PINLYP: variants seen among roughly 807,000 people sequenced by gnomAD.
PINLYP encodes phospholipase A2 inhibitor and Ly6/PLAUR domain-containing protein.
In PINLYP, 12 loss-of-function variants were observed where a neutral mutation model predicts 15.8. The ratio of observed to expected loss-of-function variants is 0.76; its 90% confidence interval spans 0.49 to 1.23. The LOEUF is 1.23. Among genes scored for constraint, PINLYP ranks in the 50% most tolerant of loss-of-function variants. The pLI is 0.00. For missense variants in PINLYP, 278 were observed against 264.2 expected (o/e 1.05, Z -0.36); for synonymous variants, 93 against 97.7 (o/e 0.95, Z 0.28).
At chr19:43,576,636 C>T (rs746841496) in exon 1 of PINLYP, among the ~76,000 whole-genome samples, 1 of 152,162 alleles carries the variant, frequency 6.6e-6, no homozygotes, top group Admixed American at 6.5e-5. Context: ...AGGGTGCAGC[C>T]CTGGGTGGGG....
At chr19:43,581,308 T>A in exon 4 of PINLYP, 2 of 1,537,016 alleles carry the variant, frequency 1.3e-6, no homozygotes, top group East Asian at 2.4e-5. Flanking sequence ...AAGGACCACA[T>A]GGTAACCAGC....
chr19:43,579,328 C>T (rs1434459950), intron 3 of PINLYP, among the ~76,000 whole-genome samples: 1 of 151,990 alleles, frequency 6.6e-6, no homozygotes, highest in Non-Finnish European at 1.5e-5. Flanking sequence ...TCACTGCAAC[C>T]TCCACTTCCC....
At chr19:43,580,520 G>C (rs11671498) in intron 3 of PINLYP, 34,534 of 985,440 alleles carry the variant, frequency 0.035, 827 homozygotes, top group East Asian at 0.11. Flanking sequence ...GGTTGGCGGG[G>C]AGTTGAGGAG....
At chr19:43,579,714 C>G (rs1226643831) in intron 3 of PINLYP, among the ~76,000 whole-genome samples, 3 of 116,866 alleles carry the variant, frequency 2.6e-5, no homozygotes, top group African/African-American at 9.8e-5. Context: ...GCCTGGACAA[C>G]AAAAAGAGAT....
rs1266833512 is a variant in PINLYP at position 43,581,373 on chromosome 19, C to T, written c.340+9C>T. 2 of 1,536,478 alleles carry T rather than the reference C, an allele frequency of 1.3e-6. No individual in the cohort carries two copies. Among genetic ancestry groups the T allele is most frequent in the South Asian group, 1.2e-5 (1 of 84,044 alleles). ...CAGTGCCTTTTTGTCTGGTAAGAAGCCCGTGGTGTGTGGTGTGTGCTCTGG... is the reference window on the plus strand; with the variant it reads ...CAGTGCCTTTTTGTCTGGTAAGAAGTCCGTGGTGTGTGGTGTGTGCTCTGG... On this transcript the variant is annotated intron_variant, in intron 4 of 5. Transcript: ENST00000599207.
chr19:43,579,015 C>A, intron 3 of PINLYP: 38 of 257,290 alleles, frequency 1.5e-4, no homozygotes, highest in Non-Finnish European at 1.9e-4. Context: ...CTGTGGGGGG[C>A]AGAGAAATAG....
At chr19:43,578,525 T>A (rs1972891694) in intron 2 of PINLYP, 65 bp from the exon 3 acceptor site, 5 of 1,239,602 alleles carry the variant, frequency 4.0e-6, no homozygotes, top group Non-Finnish European at 5.6e-6. Context: ...AAGTCCTAAG[T>A]CAAAGTCGTG....
chr19:43,578,027 A>G lies in PINLYP; in HGVS notation c.71-563A>G, dbSNP rs918318434. The stretch of plus-strand genomic sequence containing the variant: ...CTCCTCCCCTGCACACAGGAGTCCA[A>G]GTAAGCCTCACTTTCCCCAGGACCC... On this transcript the variant is annotated intron_variant, in intron 2 of 5. Transcript: ENST00000599207. 2.0e-5 allele frequency among the ~76,000 whole-genome samples: 3 copies of G among 152,240 alleles called. No individual in the cohort carries two copies. In the East Asian group the frequency reaches 5.8e-4, roughly 29 times the overall value.
upstream of PINLYP, chr19:43,575,550 G>A (rs758384101): frequency 1.4e-6 from 2 of 1,415,040 alleles, no homozygotes; most frequent in Admixed American, 2.1e-5. Context: ...GGTGCGCCCT[G>A]CGCTGGCTAA....
intron 3 of PINLYP, 52 bp downstream of exon 3, chr19:43,578,758 G>T: frequency 2.2e-6 from 3 of 1,374,046 alleles, no homozygotes; most frequent in Middle Eastern, 3.5e-4. Flanking sequence ...TACCTTCAGG[G>T]TGGAAGAGAC....
intron 3 of PINLYP, 41 bp from the exon 4 acceptor site, chr19:43,581,171 G>A: frequency 3.3e-6 from 5 of 1,525,818 alleles, no homozygotes; most frequent in Non-Finnish European, 4.4e-6. Flanking sequence ...AAGCCAGGGA[G>A]TGGTCAGCCA....
exon 2 of PINLYP, chr19:43,577,249 C>G (rs1972877025): frequency 6.5e-7 from 1 of 1,535,950 alleles, no homozygotes; most frequent in African/African-American, 1.4e-5. Flanking sequence ...GCTCTGCACC[C>G]TCCTGGGTCT....
At chr19:43,576,639 G>C (rs1048030369) in exon 1 of PINLYP, among the ~76,000 whole-genome samples, 1 of 152,194 alleles carries the variant, frequency 6.6e-6, no homozygotes, top group African/African-American at 2.4e-5. Context: ...GTGCAGCCCT[G>C]GGTGGGGTCG....
chr19:43,576,864 C>T, exon 1 of PINLYP: 1 of 320,172 alleles, frequency 3.1e-6, no homozygotes. Flanking sequence ...AATCAAGAGG[C>T]CCAACTCCGT....
intron 2 of PINLYP, 110 bp downstream of exon 2, chr19:43,577,371 G>T: frequency 8.5e-7 from 1 of 1,177,308 alleles, no homozygotes; most frequent in African/African-American, 1.6e-5. Flanking sequence ...AGTCCTCAAG[G>T]TGAACGGGGA....
chr19:43,581,705 T>C lies in PINLYP; in HGVS notation c.481+2T>C. On this transcript the variant is annotated splice_donor_variant, in intron 5 of 5. Coordinates refer to ENST00000599207, the Ensembl canonical transcript of PINLYP. LOFTEE classifies it high-confidence loss of function. ...CCTTATCTGGACACGTGCAGGCTGGTGAGTGGTGCCTGAATCTCTGGAAAA... is the reference window on the plus strand; with the variant it reads ...CCTTATCTGGACACGTGCAGGCTGGCGAGTGGTGCCTGAATCTCTGGAAAA... 1 of 1,536,124 alleles carries C rather than the reference T, an allele frequency of 6.5e-7. No individual in the cohort carries two copies. The highest frequency in any genetic ancestry group is 8.7e-7 in the Non-Finnish European group (1 of 1,146,898).
exon 1 of PINLYP, chr19:43,576,812 G>C (rs1972871304): frequency 4.3e-6 from 1 of 233,634 alleles, no homozygotes; most frequent in South Asian, 6.7e-5. Flanking sequence ...GAGAGGGGAA[G>C]AGAGAGAAGG....
exon 6 of PINLYP, chr19:43,582,026 A>AC (rs148596201): frequency 0.016 from 25,034 of 1,535,652 alleles, 353 homozygotes; most frequent in African/African-American, 0.061. Flanking sequence ...AGAGGAAGAT[A>AC]ATGTAGTGTG....
At chr19:43,581,925 C>T (rs1268769992) in exon 6 of PINLYP, 14 of 1,536,464 alleles carry the variant, frequency 9.1e-6, no homozygotes, top group Non-Finnish European at 1.2e-5. Context: ...ATGTGCTTTA[C>T]CAAGCCTGGT....
Sources: allele counts gnomAD v4.1 joint callset (sites outside exome capture counted in the v4.1 genomes callset), GRCh38; gene constraint gnomAD v4.1.1; transcripts MANE v1.5; gene names NCBI Gene and HGNC (gene_info 2026-07-23, HGNC 2026-07-21).